The following SMC6 variants were observed in gnomAD, a reference collection of about 807,000 sequenced individuals.
SMC6 encodes structural maintenance of chromosomes 6.
A neutral mutation model predicts 142.2 loss-of-function variants in SMC6; 79 were observed. That is an observed-to-expected ratio of 0.56 (90% confidence interval 0.46 to 0.67). The LOEUF (loss-of-function observed/expected upper bound fraction) is 0.67, where lower values mean the gene tolerates loss of function less well. Ranked by LOEUF, SMC6 falls within the 30% of genes least tolerant of loss-of-function variation. The probability of loss-of-function intolerance (pLI) is 0.00; values close to 1 mark genes in which losing one functional copy is unlikely to be tolerated. For synonymous variants in SMC6, 411 were observed against 412.4 expected, an observed-to-expected ratio of 1.00 and a Z score of 0.04; for missense variants, 1,072 against 1,284.0, an observed-to-expected ratio of 0.83 and a Z score of 2.52.
intron 16 of SMC6, among the ~76,000 whole-genome samples, chr2:17,711,358 A>G (rs1233711505): frequency 1.3e-5 from 2 of 152,182 alleles, no homozygotes; most frequent in Non-Finnish European, 2.9e-5. Context: ...ACAGGGGACA[A>G]GGAGAAGATA....
chr2:17,703,092 A>T, intron 19 of SMC6, 65 bp downstream of exon 19: 8 of 1,067,432 alleles, frequency 7.5e-6, no homozygotes, highest in Non-Finnish European at 9.1e-6. Context: ...ATGGGATCTT[A>T]AAATCAACTT....
chr2:17,751,635 G>A (rs868731670), intron 2 of SMC6, among the ~76,000 whole-genome samples: 1 of 152,172 alleles, frequency 6.6e-6, no homozygotes, highest in Non-Finnish European at 1.5e-5. Flanking sequence ...TGAATTTGGT[G>A]ACCAAGAAAA....
At chr2:17,691,906 T>C (rs1397661414) in intron 23 of SMC6, among the ~76,000 whole-genome samples, 1 of 152,002 alleles carries the variant, frequency 6.6e-6, no homozygotes, top group African/African-American at 2.4e-5. Flanking sequence ...ACAAGCATTC[T>C]TATACACCAG....
intron 18 of SMC6, among the ~76,000 whole-genome samples, chr2:17,706,610 A>G (rs1668524043): frequency 6.6e-6 from 1 of 151,978 alleles, no homozygotes; most frequent in African/African-American, 2.4e-5. Context: ...TCAGGCCCAA[A>G]CCATCAATTC....
intron 23 of SMC6, among the ~76,000 whole-genome samples, chr2:17,689,756 T>G (rs1355011581): frequency 1.3e-5 from 2 of 152,250 alleles, no homozygotes; most frequent in Non-Finnish European, 2.9e-5. Context: ...CTGTATACTT[T>G]AAATCATCTC....
At position 17,716,167 on chromosome 2, in the gene SMC6, G is replaced by C. The variant is rs185599983; in HGVS notation, c.1444C>G (p.Pro482Ala). Residue 482 changes from proline to alanine, a missense_variant, in exon 15 of 28, where the codon CCT becomes GCT. Pro to Ala is a conservative substitution (Grantham distance 27). This residue lies in a region of SMC6 where 994 missense variants were observed against 1,153.2 expected (regional missense o/e 0.86). Transcript: ENST00000448223. Reference protein sequence around the residue: ...SKTDRLKRFGPNVPALLEAID... With the variant: ...SKTDRLKRFGANVPALLEAID... ...GCTTCAAGAAGAGCTGGAACATTAGGGCCAAATCTTTTGAGTCGATCAGTT... is the reference window on the plus strand; with the variant it reads ...GCTTCAAGAAGAGCTGGAACATTAGCGCCAAATCTTTTGAGTCGATCAGTT... 7.5e-5 allele frequency: 121 copies of C among 1,612,220 alleles called. 1 individual carries two copies. In the Admixed American group the frequency reaches 2.0e-3, roughly 26 times the overall value.
chr2:17,695,309 G>T lies in SMC6; in HGVS notation c.2533-12C>A, dbSNP rs370395312. The stretch of plus-strand genomic sequence containing the variant: ...TGTGACATTTTCTCCTAAGAAAGTA[G>T]ATGTTTATATCTTTAAAACTCTTCT... On this transcript the variant is annotated splice_polypyrimidine_tract_variant and intron_variant, in intron 22 of 27. Transcript: ENST00000448223. 26 of 1,609,676 alleles carry T rather than the reference G, an allele frequency of 1.6e-5. No homozygotes were observed. Among genetic ancestry groups the T allele is most frequent in the Non-Finnish European group, 2.2e-5 (26 of 1,178,916 alleles).
chr2:17,745,478 G>C (rs1228934584), intron 3 of SMC6, among the ~76,000 whole-genome samples: 3 of 152,186 alleles, frequency 2.0e-5, no homozygotes, highest in Non-Finnish European at 4.4e-5. Context: ...ATTTATGTGT[G>C]TAGAGTTGCT....
chr2:17,678,934 A>G lies in SMC6; in HGVS notation c.2835T>C (p.Phe945=). The change falls in exon 25 of 28, where the codon TTT becomes TTC. Residue 945 remains phenylalanine (F), a synonymous_variant. Transcript: ENST00000448223. ...RCLTLRCKLY[F]DNLLSQRAYC... ...AGGCCCGCTGAGATAGTAAGTTGTCAAAGTATAATTTGCATCGTAAAGTCA... is the reference window on the plus strand; with the variant it reads ...AGGCCCGCTGAGATAGTAAGTTGTCGAAGTATAATTTGCATCGTAAAGTCA... 2 of 1,612,318 alleles carry G rather than the reference A, an allele frequency of 1.2e-6. No individual in the cohort carries two copies. The highest frequency in any genetic ancestry group is 1.7e-6 in the Non-Finnish European group (2 of 1,179,242).
intron 24 of SMC6, 42 bp from the exon 25 acceptor site, chr2:17,679,006 G>A (rs981056830): frequency 1.4e-6 from 2 of 1,407,842 alleles, no homozygotes; most frequent in East Asian, 4.6e-5. Context: ...GAGGGCAAAG[G>A]TTTTTTAAAA....
At chr2:17,686,045 A>G (rs1322909507) in intron 23 of SMC6, among the ~76,000 whole-genome samples, 1 of 152,206 alleles carries the variant, frequency 6.6e-6, no homozygotes, top group Non-Finnish European at 1.5e-5. Flanking sequence ...GAATGTAATT[A>G]AAGTTACATT....
At chr2:17,707,827 A>G (rs934469987) in intron 17 of SMC6, among the ~76,000 whole-genome samples, 1 of 151,864 alleles carries the variant, frequency 6.6e-6, no homozygotes, top group Non-Finnish European at 1.5e-5. Flanking sequence ...GTCTGGAAAT[A>G]TTTAAGCCCT....
chr2:17,700,980 A>C (rs1482074911), intron 20 of SMC6, among the ~76,000 whole-genome samples: 1 of 151,708 alleles, frequency 6.6e-6, no homozygotes, highest in African/African-American at 2.4e-5. Flanking sequence ...GCAGTGAGCC[A>C]AGATTGCACC....
intron 24 of SMC6, chr2:17,681,044 TAGTC>T (rs914319692): frequency 3.9e-5 from 6 of 152,362 alleles, no homozygotes; most frequent in Admixed American, 6.5e-5. Flanking sequence ...TCAGTTATCT[TAGTC>T]AGTTCTTCTG....
chr2:17,688,758 AT>A (rs1468271444), intron 23 of SMC6, among the ~76,000 whole-genome samples: 1 of 152,220 alleles, frequency 6.6e-6, no homozygotes, highest in Non-Finnish European at 1.5e-5. Flanking sequence ...CAGAAAAAAA[AT>A]AATTGTAAAC....
intron 23 of SMC6, among the ~76,000 whole-genome samples, chr2:17,691,237 C>T (rs1402494437): frequency 8.1e-6 from 1 of 123,548 alleles, no homozygotes; most frequent in African/African-American, 3.0e-5. Context: ...TGTGTATACA[C>T]ACACACACAC....
In SMC6 at chr2:17,696,383, C is replaced by T. The variant is rs376302946; in HGVS notation, c.2438G>A (p.Arg813Gln). 5.0e-6 allele frequency: 8 copies of T among 1,611,208 alleles called. No homozygotes were observed. Among genetic ancestry groups the T allele is most frequent in the Admixed American group, 1.7e-5 (1 of 59,258 alleles). The change falls in exon 22 of 28, where the codon CGA (arginine) becomes CAA (glutamine). Residue 813 changes from arginine (R) to glutamine (Q), a missense_variant. Physicochemically the swap from Arg to Gln is conservative, Grantham distance 43. Around this residue, in one of 3 missense-constraint regions of SMC6, gnomAD observed 994 missense variants for 1,153.2 expected, o/e 0.86. Coordinates refer to ENST00000448223, the MANE Select transcript of SMC6 (RefSeq NM_001142286.2). ...LADSEVDNQKRGKRHYEEKQK... is the reference protein window; with the variant it reads ...LADSEVDNQKQGKRHYEEKQK... Reference sequence around the variant, plus strand: ...TTTTTCTTCATAATGTCGTTTCCCTCGTTTTTGGTTATCCACTTCAGAATC... The same window carrying T: ...TTTTTCTTCATAATGTCGTTTCCCTTGTTTTTGGTTATCCACTTCAGAATC...
intron 25 of SMC6, among the ~76,000 whole-genome samples, chr2:17,677,843 A>G (rs1032245575): frequency 1.3e-5 from 2 of 152,204 alleles, no homozygotes; most frequent in African/African-American, 4.8e-5. Flanking sequence ...TAATATGGTT[A>G]AAATGCAGAG....
chr2:17,695,419 A>G, intron 22 of SMC6, 122 bp from the exon 23 acceptor site: 1 of 705,872 alleles, frequency 1.4e-6, no homozygotes, highest in Non-Finnish European at 2.2e-6. Context: ...TATTTTAATT[A>G]CATTTAATAT....
Sources: allele counts gnomAD v4.1 joint callset (sites outside exome capture counted in the v4.1 genomes callset), GRCh38; gene constraint gnomAD v4.1.1; regional missense constraint gnomAD v4.1.1; transcripts MANE v1.5; gene names NCBI Gene and HGNC (gene_info 2026-07-23, HGNC 2026-07-21).